BEST3: variants seen among roughly 807,000 people sequenced by gnomAD.
BEST3 encodes the protein bestrophin-3.
A neutral mutation model predicts 47.1 loss-of-function variants in BEST3; 50 were observed. That is an observed-to-expected ratio of 1.06 (90% CI 0.85 to 1.34). The LOEUF is 1.34. Ranked by LOEUF, BEST3 falls within the 40% of genes most tolerant of loss-of-function variation. The pLI, the probability that BEST3 is intolerant of heterozygous loss-of-function variation, is 0.00. For synonymous variants in BEST3, 282 were observed against 298.8 expected (o/e 0.94, Z 0.58); for missense variants, 765 against 817.0 (o/e 0.94, Z 0.78).
chr12:69,678,398 C>T (rs1330348834), intron 5 of BEST3, among the ~76,000 whole-genome samples: 1 of 151,950 alleles, frequency 6.6e-6, no homozygotes, highest in Non-Finnish European at 1.5e-5. Flanking sequence ...TTCAAGGATC[C>T]TGGAGCCAGG....
At chr12:69,664,305 C>T (rs1258517764) in intron 9 of BEST3, among the ~76,000 whole-genome samples, 2 of 152,214 alleles carry the variant, frequency 1.3e-5, no homozygotes, top group African/African-American at 4.8e-5. Context: ...TAGATTAAGA[C>T]ACGATGACTA....
chr12:69,644,699 G>A (rs1188219910), intron 9 of BEST3, among the ~76,000 whole-genome samples: 1 of 152,152 alleles, frequency 6.6e-6, no homozygotes, highest in Non-Finnish European at 1.5e-5. Flanking sequence ...TTTAGTTATG[G>A]TTCCACTGGG....
chr12:69,671,430 C>T lies in BEST3; in HGVS notation c.1098G>A (p.Met366Ile). 1.2e-6 allele frequency: 2 copies of T among 1,613,242 alleles called. No homozygotes were observed. Among genetic ancestry groups the T allele is most frequent in the Non-Finnish European group, 8.5e-7 (1 of 1,179,560 alleles). Reference protein sequence around the residue: ...IPSFLGSTVQMGLSGSDFPDE... With the variant: ...IPSFLGSTVQIGLSGSDFPDE... ...AGATTTTTTAAAAATGCACTTACCC[C>T]ATCTGGACTGTTGACCCCAGAAATG... Residue 366 changes from methionine (M) to isoleucine (I), a missense_variant and splice_region_variant, in exon 9 of 10, where the codon ATG becomes ATA. By Grantham distance (10) the Met-to-Ile change is conservative (BLOSUM62 1). Transcript: ENST00000330891.
chr12:69,647,636 C>T (rs532034047), intron 9 of BEST3, among the ~76,000 whole-genome samples: 1 of 152,196 alleles, frequency 6.6e-6, no homozygotes, highest in Non-Finnish European at 1.5e-5. Context: ...AAACTTATCC[C>T]TACTTAACAC....
chr12:69,683,257 T>A lies in BEST3; in HGVS notation c.482-4364A>T, dbSNP rs541919247. On this transcript the variant is annotated intron_variant, in intron 4 of 9. Transcript: ENST00000330891. ...CTGGTGATTTTGTTTTTAGCACAAA[T>A]TTATTGAGTATTTTGCTGGGTGCTG... The A allele has an allele frequency of 5.9e-5, 9 of 152,356 alleles. No individual in the cohort carries two copies. The East Asian group carries it at 1.4e-3, about 23-fold the overall frequency. 9.4% of individuals were successfully genotyped at this position (152,356 alleles called of 1,614,324 possible). A position where few individuals can be genotyped will look rare whatever the true frequency, so the allele number is the denominator to read the frequency against.
At position 69,660,155 on chromosome 12, in the gene BEST3, T is replaced by C. The variant is rs867962677; in HGVS notation, c.1101-4342A>G. The stretch of plus-strand genomic sequence containing the variant: ...TCATTCTTGGTAAGCTGGTGATAAT[T>C]ATCCTTTACCTGCCTTTTAGGTTGT... On this transcript the variant is annotated intron_variant, in intron 9 of 9. Transcript: ENST00000330891. 2.6e-5 allele frequency: 4 copies of C among 152,198 alleles called. No homozygotes were observed. In the South Asian group the frequency reaches 8.3e-4, roughly 32 times the overall value. 9.4% of individuals were successfully genotyped at this position (152,198 alleles called of 1,614,324 possible).
At chr12:69,667,722 A>G (rs1884315142) in intron 9 of BEST3, among the ~76,000 whole-genome samples, 1 of 152,150 alleles carries the variant, frequency 6.6e-6, no homozygotes, top group African/African-American at 2.4e-5. Context: ...TCTCCACTGT[A>G]GCATTTACCA....
chr12:69,647,176 A>G (rs1461052096), intron 9 of BEST3, among the ~76,000 whole-genome samples: 2 of 152,212 alleles, frequency 1.3e-5, no homozygotes, highest in Non-Finnish European at 2.9e-5. Flanking sequence ...CAGGCTCTAA[A>G]TAGAATTTGA....
Position 69,654,982 on chromosome 12 carries a change from A to G in BEST3, c.1932T>C (p.Tyr644=). 4 of 1,614,098 alleles carry G rather than the reference A, an allele frequency of 2.5e-6. No homozygotes were observed. Among genetic ancestry groups the G allele is most frequent in the Non-Finnish European group, 3.4e-6 (4 of 1,180,006 alleles). The change falls in exon 10 of 10, where the codon TAT becomes TAC. Residue 644 remains tyrosine (Y), a synonymous_variant. Transcript: ENST00000330891. Reference sequence around the variant, plus strand: ...CCTTGGTGTCCAGGTTTTCCATTAAATACAGCATATCAGAAGAGACTCGAG... The same window carrying G: ...CCTTGGTGTCCAGGTTTTCCATTAAGTACAGCATATCAGAAGAGACTCGAG... The part of the protein sequence containing the change: ...AGSRVSSDML[Y]LMENLDTKET...
chr12:69,676,280 C>T (rs1425977822), intron 7 of BEST3, among the ~76,000 whole-genome samples: 4 of 152,032 alleles, frequency 2.6e-5, no homozygotes, highest in East Asian at 1.9e-4. Context: ...AGACCAGGCG[C>T]GGTGGCTCAC....
intron 7 of BEST3, among the ~76,000 whole-genome samples, chr12:69,674,652 G>A (rs11608431): frequency 0.037 from 5,570 of 152,152 alleles, 156 homozygotes; most frequent in African/African-American, 0.069. Context: ...AATCAGTCCT[G>A]CATGTATTAT....
Position 69,656,990 on chromosome 12 carries a change from C to G in BEST3, c.1101-1177G>C, listed in dbSNP as rs556275810. Among the ~76,000 whole-genome samples the G allele has an allele frequency of 3.9e-4, 59 of 152,158 alleles. 3 individuals are homozygous for G. Among genetic ancestry groups the G allele is most frequent in the Non-Finnish European group, 1.9e-4 (13 of 68,052 alleles). On this transcript the variant is annotated intron_variant, in intron 9 of 9. Coordinates refer to ENST00000330891, the MANE Select transcript of BEST3 (RefSeq NM_032735.3). ...TCATCCAGTTAGGGTGAACTTGCAT[C>G]GCGATTGGGCTCTGCTTGTGATAAA...
At chr12:69,692,045 A>G (rs897086324) in intron 4 of BEST3, among the ~76,000 whole-genome samples, 2 of 152,328 alleles carry the variant, frequency 1.3e-5, no homozygotes, top group Admixed American at 6.5e-5. Context: ...ACTGAATACC[A>G]TCTGGTCTGT....
At chr12:69,648,659 A>T (rs776175), downstream of BEST3, among the ~76,000 whole-genome samples, 57,351 of 151,850 alleles carry the variant, frequency 0.38, 11,198 homozygotes, top group East Asian at 0.52. Flanking sequence ...AATGCCTGAC[A>T]CTCAATAGTT....
At chr12:69,672,804 G>A in intron 8 of BEST3, 81 bp downstream of exon 8, 2 of 995,936 alleles carry the variant, frequency 2.0e-6, no homozygotes, top group Non-Finnish European at 3.0e-6. Context: ...CAAGGGGTGT[G>A]CATTTGAAAT....
rs570354597 is a variant in BEST3 at position 69,698,733 on chromosome 12, A to AAG, written c.-16+471_-16+472insCT. On this transcript the variant is annotated intron_variant, in intron 1 of 9. Coordinates refer to ENST00000330891, the MANE Select transcript of BEST3 (RefSeq NM_032735.3). ...GCCTACACCACACATTTTATCATAA[A>AAG]CAAGAAAATTTTCTATCTTTACTCA... 3.6e-3 allele frequency among the ~76,000 whole-genome samples: 556 copies of AAG among 152,346 alleles called. 1 individual carries two copies. Among genetic ancestry groups the AAG allele is most frequent in the African/African-American group, 0.012 (514 of 41,582 alleles).
intron 8 of BEST3, among the ~76,000 whole-genome samples, 157 bp downstream of exon 8, chr12:69,672,728 T>C (rs1399095915): frequency 6.6e-6 from 1 of 152,216 alleles, no homozygotes; most frequent in East Asian, 1.9e-4. Flanking sequence ...TGTAAGCTTC[T>C]GAAAGGACCT....
intron 4 of BEST3, among the ~76,000 whole-genome samples, chr12:69,691,561 G>A (rs111908526): frequency 0.039 from 5,955 of 152,242 alleles, 163 homozygotes; most frequent in African/African-American, 0.067. Flanking sequence ...TTGGGAGGCC[G>A]AGGTGGGCGG....
chr12:69,688,604 C>T (rs576890558), intron 4 of BEST3, among the ~76,000 whole-genome samples: 1 of 152,314 alleles, frequency 6.6e-6, no homozygotes, highest in Non-Finnish European at 1.5e-5. Context: ...AGGTATGTGA[C>T]CTAGTTCAAC....
Sources: allele counts gnomAD v4.1 joint callset (sites outside exome capture counted in the v4.1 genomes callset), GRCh38; gene constraint gnomAD v4.1.1; transcripts MANE v1.5; gene names NCBI Gene and HGNC (gene_info 2026-07-23, HGNC 2026-07-21).